The following ADGRL3 variants were observed in gnomAD, a reference collection of about 807,000 sequenced individuals.
The protein encoded by ADGRL3 is adhesion G protein-coupled receptor L3.
A neutral mutation model predicts 153.5 loss-of-function variants in ADGRL3; 62 were observed. The ratio of observed to expected loss-of-function variants is 0.40; its 90% CI spans 0.33 to 0.50. The LOEUF (loss-of-function observed/expected upper bound fraction) is 0.50. Ranked by LOEUF, ADGRL3 falls within the 20% of genes least tolerant of loss-of-function variation. The pLI is 0.47. For synonymous variants in ADGRL3, 710 were observed against 672.5 expected (o/e 1.06, Z -0.86); for missense variants, 1,641 against 1,859.4 (o/e 0.88, Z 2.16).
chr4:61,985,917 A>AG (rs2099083776), intron 19 of ADGRL3, among the ~76,000 whole-genome samples: 1 of 150,580 alleles, frequency 6.6e-6, no homozygotes, highest in Non-Finnish European at 1.5e-5. Context: ...TAAAAAAAAA[A>AG]AACAAAAAAA....
intron 4 of ADGRL3, among the ~76,000 whole-genome samples, chr4:61,562,969 A>C (rs1001087016): frequency 4.0e-5 from 6 of 148,838 alleles, no homozygotes; most frequent in Admixed American, 1.3e-4. Context: ...AAAAAAGGTG[A>C]TTCATTAAAT....
At chr4:61,768,797 G>A (rs1481652612) in intron 8 of ADGRL3, among the ~76,000 whole-genome samples, 1 of 151,954 alleles carries the variant, frequency 6.6e-6, no homozygotes, top group African/African-American at 2.4e-5. Flanking sequence ...GAGGCACGGA[G>A]AAGGGGTGGG....
chr4:61,528,766 CTGCAATATCAA>C (rs2098593717), intron 4 of ADGRL3, among the ~76,000 whole-genome samples: 1 of 152,208 alleles, frequency 6.6e-6, no homozygotes, highest in East Asian at 1.9e-4. Flanking sequence ...TTATGCCATG[CTGCAATATCAA>C]AATTCACTTT....
chr4:61,277,467 G>A (rs1181764412), intron 1 of ADGRL3, among the ~76,000 whole-genome samples: 1 of 151,860 alleles, frequency 6.6e-6, no homozygotes, highest in African/African-American at 2.4e-5. Context: ...ATTTATTTAT[G>A]TCATATTTAC....
At chr4:61,583,724 C>G (rs764454224) in intron 4 of ADGRL3, 3 of 518,408 alleles carry the variant, frequency 5.8e-6, no homozygotes, top group South Asian at 4.2e-5. Context: ...GGCATCCTAG[C>G]AGAAGGTTTC....
chr4:62,048,727 A>G (rs1732520577), intron 25 of ADGRL3, among the ~76,000 whole-genome samples: 1 of 150,320 alleles, frequency 6.7e-6, no homozygotes, highest in Non-Finnish European at 1.5e-5. Context: ...TTTTTTTTTA[A>G]CTTTTTTTAG....
At chr4:61,643,073 G>T (rs1455607044) in intron 5 of ADGRL3, among the ~76,000 whole-genome samples, 1 of 152,132 alleles carries the variant, frequency 6.6e-6, no homozygotes, top group Non-Finnish European at 1.5e-5. Flanking sequence ...GATCACTCAT[G>T]ATTTGGCTCT....
At chr4:61,236,008 CTTTTTT>C (rs55932029) in intron 1 of ADGRL3, among the ~76,000 whole-genome samples, 12 of 95,904 alleles carry the variant, frequency 1.3e-4, no homozygotes, top group Admixed American at 4.3e-4. Context: ...CTTTTCTTTT[CTTTTTT>C]TTTTTTTTTT....
At chr4:61,631,572 G>A (rs1262318596) in intron 5 of ADGRL3, among the ~76,000 whole-genome samples, 4 of 152,086 alleles carry the variant, frequency 2.6e-5, no homozygotes, top group Admixed American at 2.6e-4. Flanking sequence ...TGCTTATGAT[G>A]TTGCTGAGTC....
chr4:61,928,629 G>C (rs1560388064), intron 13 of ADGRL3, among the ~76,000 whole-genome samples: 1 of 152,066 alleles, frequency 6.6e-6, no homozygotes, highest in African/African-American at 2.4e-5. Flanking sequence ...CTTTTTATAA[G>C]ATAAATATGC....
intron 2 of ADGRL3, among the ~76,000 whole-genome samples, chr4:61,433,287 GATGATTAA>G (rs781562233): frequency 1.5e-4 from 23 of 151,826 alleles, no homozygotes; most frequent in Non-Finnish European, 3.1e-4. Flanking sequence ...TATTGTCTCA[GATGATTAA>G]ATGTTTACCA....
At chr4:61,833,919 C>G (rs1393803870) in intron 9 of ADGRL3, among the ~76,000 whole-genome samples, 2 of 151,084 alleles carry the variant, frequency 1.3e-5, no homozygotes, top group Non-Finnish European at 2.9e-5. Flanking sequence ...AGGTCAGATC[C>G]CTTTCACTGT....
At chr4:61,875,526 A>G (rs546829401) in intron 9 of ADGRL3, among the ~76,000 whole-genome samples, 1 of 152,200 alleles carries the variant, frequency 6.6e-6, no homozygotes. Flanking sequence ...ATTCCTTGAT[A>G]CTGAACTCTG....
intron 13 of ADGRL3, among the ~76,000 whole-genome samples, chr4:61,916,328 T>G (rs1301888520): frequency 6.6e-6 from 1 of 152,212 alleles, no homozygotes; most frequent in Non-Finnish European, 1.5e-5. Context: ...ATATGTGTCA[T>G]AGTAAAACAT....
intron 9 of ADGRL3, among the ~76,000 whole-genome samples, chr4:61,852,199 A>G (rs2098212681): frequency 6.6e-6 from 1 of 152,156 alleles, no homozygotes. Flanking sequence ...GTTAACACTG[A>G]TATACATTGT....
intron 1 of ADGRL3, among the ~76,000 whole-genome samples, chr4:61,317,424 C>A (rs1392866019): frequency 2.0e-5 from 3 of 152,108 alleles, no homozygotes; most frequent in East Asian, 3.9e-4. Context: ...ACACTTTTCA[C>A]ATGTATTTCA....
At chr4:61,296,442 C>T (rs1020357375) in intron 1 of ADGRL3, among the ~76,000 whole-genome samples, 7 of 145,000 alleles carry the variant, frequency 4.8e-5, no homozygotes, top group African/African-American at 1.0e-4. Context: ...CTTTGATGCC[C>T]TGGTGTGCCT....
chr4:61,290,659 GAAGA>G (rs1409356774), intron 1 of ADGRL3, among the ~76,000 whole-genome samples: 3 of 132,220 alleles, frequency 2.3e-5, no homozygotes, highest in African/African-American at 5.3e-5. Context: ...AGGAAGGAAG[GAAGA>G]AAGGAAGGAA....
At chr4:61,414,062 T>G (rs2097119543) in intron 2 of ADGRL3, among the ~76,000 whole-genome samples, 1 of 152,218 alleles carries the variant, frequency 6.6e-6, no homozygotes, top group African/African-American at 2.4e-5. Context: ...ATTATTGAAT[T>G]AAACAACACT....
Sources: allele counts gnomAD v4.1 joint callset (sites outside exome capture counted in the v4.1 genomes callset), GRCh38; gene constraint gnomAD v4.1.1; transcripts MANE v1.5; gene names NCBI Gene and HGNC (gene_info 2026-07-23, HGNC 2026-07-21).